Variants in MCC observed in about 807,000 individuals in gnomAD.
MCC encodes the protein MCC regulator of Wnt signaling pathway.
A neutral mutation model predicts 116.2 loss-of-function variants in MCC; 90 were observed. The ratio of observed to expected loss-of-function variants is 0.77; its 90% confidence interval spans 0.65 to 0.92. The LOEUF (loss-of-function observed/expected upper bound fraction) is 0.92, where lower values mean the gene tolerates loss of function less well. Ranked by LOEUF, MCC falls within the 40% of genes least tolerant of loss-of-function variation. The pLI, the probability that MCC is intolerant of heterozygous loss-of-function variation, is 0.00. For synonymous variants in MCC, 578 were observed against 510.5 expected (o/e 1.13, Z -1.78); for missense variants, 1,516 against 1,312.2 (o/e 1.16, Z -2.40).
chr5:113,233,495 C>A (rs899000294), intron 3 of MCC, among the ~76,000 whole-genome samples: 1 of 152,140 alleles, frequency 6.6e-6, no homozygotes, highest in Non-Finnish European at 1.5e-5. Context: ...TTGACAGATT[C>A]TCTGAAACCC....
chr5:113,084,890 C>T (rs1165280612), intron 9 of MCC, among the ~76,000 whole-genome samples: 3 of 152,234 alleles, frequency 2.0e-5, no homozygotes, highest in Non-Finnish European at 4.4e-5. Context: ...CTTGACAAAA[C>T]GTCTCACTCT....
chr5:113,187,591 T>C (rs1162518471), intron 3 of MCC, among the ~76,000 whole-genome samples: 2 of 151,760 alleles, frequency 1.3e-5, no homozygotes, highest in African/African-American at 4.8e-5. Context: ...CCGTCTCTAC[T>C]AAAAATACAA....
At chr5:113,100,135 C>T (rs1756304400) in intron 8 of MCC, among the ~76,000 whole-genome samples, 1 of 152,252 alleles carries the variant, frequency 6.6e-6, no homozygotes, top group Admixed American at 6.5e-5. Flanking sequence ...TGAGTTAAGA[C>T]AAAATGATGT....
intron 1 of MCC, among the ~76,000 whole-genome samples, chr5:113,468,971 G>C (rs1446126615): frequency 1.3e-5 from 2 of 152,206 alleles, no homozygotes; most frequent in Non-Finnish European, 2.9e-5. Flanking sequence ...TATTTGCATA[G>C]AGGTGTTTAT....
At chr5:113,327,510 T>A (rs1192721253) in intron 3 of MCC, among the ~76,000 whole-genome samples, 1 of 133,248 alleles carries the variant, frequency 7.5e-6, no homozygotes, top group Non-Finnish European at 1.5e-5. Context: ...CGTGCTACTG[T>A]ACTCCAGCCT....
chr5:113,086,507 C>A (rs919319406), intron 8 of MCC, among the ~76,000 whole-genome samples: 1 of 152,268 alleles, frequency 6.6e-6, no homozygotes, highest in Non-Finnish European at 1.5e-5. Flanking sequence ...CTAAATAGTC[C>A]TTCTATATAA....
intron 7 of MCC, among the ~76,000 whole-genome samples, chr5:113,102,523 C>T (rs1041905171): frequency 3.3e-4 from 50 of 152,228 alleles, no homozygotes; most frequent in African/African-American, 1.2e-3. Flanking sequence ...CTCATTGACA[C>T]AGAAAAGAGG....
intron 17 of MCC, among the ~76,000 whole-genome samples, chr5:113,035,409 TC>T (rs1177317472): frequency 6.6e-6 from 1 of 152,206 alleles, no homozygotes; most frequent in Non-Finnish European, 1.5e-5. Flanking sequence ...CTCCCCTGCA[TC>T]CCTCTGCCCT....
At chr5:113,084,233 T>C in intron 9 of MCC, 43 bp from the exon 10 acceptor site, 1 of 1,453,610 alleles carries the variant, frequency 6.9e-7, no homozygotes, top group Non-Finnish European at 9.7e-7. Flanking sequence ...TACACACCAC[T>C]CCTCAGATAA....
chr5:113,331,160 G>A (rs571929700), intron 3 of MCC, among the ~76,000 whole-genome samples: 1 of 148,238 alleles, frequency 6.7e-6, no homozygotes, highest in South Asian at 2.1e-4. Context: ...TCCTGGCAGA[G>A]GGACTAGGTA....
chr5:113,026,241 TGAC>T lies in MCC; in HGVS notation c.*1058_*1060del, dbSNP rs1380634210. On this transcript the variant is annotated 3_prime_UTR_variant, in exon 19 of 19. Coordinates refer to ENST00000408903, the MANE Select transcript of MCC (RefSeq NM_001085377.2). ...CCATTCCCTCACTCTGTCCCCGTCA[TGAC>T]AACAGGAGCTAAGTCTTGAACTGGG... The T allele has an allele frequency of 6.6e-6, 1 of 152,242 alleles. No individual in the cohort carries two copies. The highest frequency in any genetic ancestry group is 1.5e-5 in the Non-Finnish European group (1 of 68,052). 9.4% of individuals were successfully genotyped at this position (152,242 alleles called of 1,614,324 possible).
At chr5:113,432,877 G>T (rs1232745545) in intron 1 of MCC, 1 of 152,190 alleles carries the variant, frequency 6.6e-6, no homozygotes, top group African/African-American at 2.4e-5. Context: ...TTAAAAACAG[G>T]AATATAATTT....
intron 3 of MCC, among the ~76,000 whole-genome samples, chr5:113,211,063 A>G (rs1373631022): frequency 1.3e-5 from 2 of 152,202 alleles, no homozygotes; most frequent in Non-Finnish European, 2.9e-5. Flanking sequence ...CAATTGACTG[A>G]GTCTCTTCCA....
intron 3 of MCC, among the ~76,000 whole-genome samples, chr5:113,152,104 C>G (rs569569617): frequency 3.2e-4 from 49 of 152,312 alleles, no homozygotes; most frequent in African/African-American, 1.1e-3. Context: ...TGTGAAAAGA[C>G]AAACCAAGGA....
chr5:113,078,928 ATC>A (rs1754653428), intron 11 of MCC, among the ~76,000 whole-genome samples: 1 of 152,206 alleles, frequency 6.6e-6, no homozygotes, highest in African/African-American at 2.4e-5. Context: ...TCAGCCCAAA[ATC>A]TCCTTAAGCT....
intron 1 of MCC, among the ~76,000 whole-genome samples, chr5:113,412,981 G>A (rs1322125210): frequency 6.6e-6 from 1 of 152,192 alleles, no homozygotes; most frequent in Non-Finnish European, 1.5e-5. Context: ...TTAGCATGAA[G>A]AGTTGTTGAA....
chr5:113,210,581 G>C (rs898822531), intron 3 of MCC, among the ~76,000 whole-genome samples: 1 of 152,192 alleles, frequency 6.6e-6, no homozygotes, highest in Admixed American at 6.5e-5. Flanking sequence ...CGCATTTGCA[G>C]AGGTGGAAGG....
At chr5:113,058,479 C>G (rs1441979554) in intron 14 of MCC, among the ~76,000 whole-genome samples, 2 of 152,170 alleles carry the variant, frequency 1.3e-5, no homozygotes, top group Non-Finnish European at 2.9e-5. Flanking sequence ...CTCTAGGTGA[C>G]TCTGATGCAC....
At chr5:113,239,980 A>G (rs1764302426) in intron 3 of MCC, among the ~76,000 whole-genome samples, 1 of 152,190 alleles carries the variant, frequency 6.6e-6, no homozygotes. Flanking sequence ...CATTCATTAT[A>G]TGATTTGTAT....
Sources: allele counts gnomAD v4.1 joint callset (sites outside exome capture counted in the v4.1 genomes callset), GRCh38; gene constraint gnomAD v4.1.1; transcripts MANE v1.5; gene names NCBI Gene and HGNC (gene_info 2026-07-23, HGNC 2026-07-21).